Variants in CNTNAP2 observed in about 807,000 individuals in gnomAD.
The protein encoded by CNTNAP2 is contactin-associated protein-like 2.
Under a neutral mutation model 155.2 loss-of-function variants are expected in CNTNAP2, and 98 were observed. The ratio of observed to expected loss-of-function variants is 0.63; its 90% CI spans 0.54 to 0.75. The LOEUF (loss-of-function observed/expected upper bound fraction) is 0.75, where lower values mean the gene tolerates loss of function less well. Ranked by LOEUF, CNTNAP2 falls within the 30% of genes least tolerant of loss-of-function variation. CNTNAP2 has a pLI of 0.00. For synonymous variants in CNTNAP2, 651 were observed against 631.2 expected, an observed-to-expected ratio of 1.03 and a Z score of -0.47; for missense variants, 1,727 against 1,688.1, an observed-to-expected ratio of 1.02 and a Z score of -0.40.
At chr7:146,466,074 TG>T (rs1030131372) in intron 1 of CNTNAP2, among the ~76,000 whole-genome samples, 3 of 152,162 alleles carry the variant, frequency 2.0e-5, no homozygotes, top group African/African-American at 4.8e-5. Context: ...AAAAGCTCGT[TG>T]GGTTCTAAAG....
chr7:147,002,394 C>G (rs1798441577), intron 3 of CNTNAP2, among the ~76,000 whole-genome samples: 1 of 151,990 alleles, frequency 6.6e-6, no homozygotes, highest in Non-Finnish European at 1.5e-5. Flanking sequence ...AACAGCGATA[C>G]TGGAAGCTAG....
At chr7:146,592,061 G>A (rs1798791022) in intron 1 of CNTNAP2, among the ~76,000 whole-genome samples, 1 of 152,264 alleles carries the variant, frequency 6.6e-6, no homozygotes, top group African/African-American at 2.4e-5. Flanking sequence ...TTCAGCTCCT[G>A]AGCCTAGGAT....
chr7:146,892,470 G>A (rs1392662753), intron 3 of CNTNAP2, among the ~76,000 whole-genome samples: 1 of 152,160 alleles, frequency 6.6e-6, no homozygotes, highest in Non-Finnish European at 1.5e-5. Context: ...AGAATTTGTA[G>A]CCATCTTAAT....
At chr7:146,681,079 G>A (rs756411992) in intron 1 of CNTNAP2, among the ~76,000 whole-genome samples, 1 of 152,018 alleles carries the variant, frequency 6.6e-6, no homozygotes, top group Non-Finnish European at 1.5e-5. Context: ...CCTAGTGGCA[G>A]TGTCAACAGA....
intron 1 of CNTNAP2, among the ~76,000 whole-genome samples, chr7:146,537,023 A>C (rs553425912): frequency 1.5e-4 from 23 of 152,266 alleles, no homozygotes; most frequent in African/African-American, 5.5e-4. Context: ...TGAACGGTTA[A>C]AATTATTACC....
intron 1 of CNTNAP2, among the ~76,000 whole-genome samples, chr7:146,141,081 A>T (rs1256648303): frequency 6.6e-5 from 10 of 152,198 alleles, no homozygotes; most frequent in Admixed American, 6.6e-4. Context: ...CTAATTTTCT[A>T]AATATAACTA....
intron 1 of CNTNAP2, among the ~76,000 whole-genome samples, chr7:146,708,981 A>G (rs1032799658): frequency 2.0e-5 from 3 of 152,164 alleles, no homozygotes; most frequent in African/African-American, 7.2e-5. Context: ...TGCCAAGATC[A>G]CTATGGGAAT....
chr7:147,773,703 CCTT>C (rs1479732072), intron 13 of CNTNAP2, among the ~76,000 whole-genome samples: 1 of 152,122 alleles, frequency 6.6e-6, no homozygotes, highest in African/African-American at 2.4e-5. Context: ...TGATCCCCTT[CCTT>C]CTTCTTTGTA....
At chr7:147,303,998 G>A (rs1002844002) in intron 9 of CNTNAP2, among the ~76,000 whole-genome samples, 1 of 152,180 alleles carries the variant, frequency 6.6e-6, no homozygotes, top group African/African-American at 2.4e-5. Flanking sequence ...CCTACACTCT[G>A]TTTTGTTTCC....
At chr7:147,390,977 A>T (rs1245145564) in intron 9 of CNTNAP2, among the ~76,000 whole-genome samples, 1 of 152,090 alleles carries the variant, frequency 6.6e-6, no homozygotes, top group Admixed American at 6.6e-5. Context: ...CATCTGCTCA[A>T]ATTCCAGGAC....
intron 8 of CNTNAP2, among the ~76,000 whole-genome samples, chr7:147,180,627 G>A (rs1169365275): frequency 3.3e-5 from 5 of 152,006 alleles, no homozygotes; most frequent in Non-Finnish European, 1.5e-5. Context: ...CTTAGTAAGA[G>A]CAGCCATTAA....
intron 16 of CNTNAP2, 78 bp downstream of exon 16, chr7:148,118,366 G>T (rs901672404): frequency 1.8e-5 from 27 of 1,475,978 alleles, no homozygotes; most frequent in Middle Eastern, 3.4e-4. Context: ...ATTGTGGAAG[G>T]CCTTTTGATT....
intron 15 of CNTNAP2, among the ~76,000 whole-genome samples, chr7:148,043,617 T>C (rs1435546079): frequency 6.6e-6 from 1 of 152,240 alleles, no homozygotes; most frequent in Non-Finnish European, 1.5e-5. Context: ...ACTTTTCTAT[T>C]TCTCTCCCTA....
chr7:146,795,627 A>G (rs934332332), intron 2 of CNTNAP2, among the ~76,000 whole-genome samples: 18 of 152,222 alleles, frequency 1.2e-4, no homozygotes, highest in Non-Finnish European at 2.4e-4. Context: ...GCCTACATCT[A>G]TCAGACGTTG....
chr7:148,112,357 G>A (rs1039106352), intron 15 of CNTNAP2, among the ~76,000 whole-genome samples: 1 of 151,700 alleles, frequency 6.6e-6, no homozygotes, highest in Non-Finnish European at 1.5e-5. Context: ...AGATTTTATT[G>A]GTTGGCTTTT....
chr7:148,277,950 G>A (rs920963870), intron 21 of CNTNAP2, among the ~76,000 whole-genome samples: 2 of 151,946 alleles, frequency 1.3e-5, no homozygotes, highest in African/African-American at 2.4e-5. Context: ...TACACCTCTC[G>A]TCTTCCTCCT....
intron 9 of CNTNAP2, among the ~76,000 whole-genome samples, chr7:147,375,474 G>A (rs374206414): frequency 6.6e-6 from 1 of 152,128 alleles, no homozygotes. Flanking sequence ...ATTCCCAGTT[G>A]CAGATTCTCT....
chr7:146,969,943 A>G (rs1238457142), intron 3 of CNTNAP2, among the ~76,000 whole-genome samples: 1 of 152,212 alleles, frequency 6.6e-6, no homozygotes, highest in African/African-American at 2.4e-5. Context: ...AAACTTCACA[A>G]AAACAAACAA....
intron 1 of CNTNAP2, among the ~76,000 whole-genome samples, chr7:146,490,223 T>G (rs971769261): frequency 2.0e-5 from 3 of 152,260 alleles, no homozygotes; most frequent in African/African-American, 7.2e-5. Flanking sequence ...AAATATTTAT[T>G]GAACAGCTAC....
Sources: allele counts gnomAD v4.1 joint callset (sites outside exome capture counted in the v4.1 genomes callset), GRCh38; gene constraint gnomAD v4.1.1; transcripts MANE v1.5; gene names NCBI Gene and HGNC (gene_info 2026-07-23, HGNC 2026-07-21).